The following MTHFD1L variants were observed in gnomAD, a reference collection of about 807,000 sequenced individuals.
MTHFD1L encodes the protein monofunctional C1-tetrahydrofolate synthase, mitochondrial.
In MTHFD1L, 81 loss-of-function variants were observed where a neutral mutation model predicts 119.5. That is an observed-to-expected ratio of 0.68 (90% CI 0.57 to 0.82). The LOEUF (loss-of-function observed/expected upper bound fraction) is 0.82, where lower values mean the gene tolerates loss of function less well. Among genes scored for constraint, MTHFD1L ranks in the 40% least tolerant of loss-of-function variants. The pLI is 0.00. For missense variants in MTHFD1L, 1,125 were observed against 1,253.4 expected (o/e 0.90, Z 1.55); for synonymous variants, 430 against 475.2 (o/e 0.90, Z 1.24).
intron 26 of MTHFD1L, among the ~76,000 whole-genome samples, chr6:151,040,691 G>C (rs1786956838): frequency 1.3e-5 from 2 of 152,170 alleles, no homozygotes; most frequent in African/African-American, 4.8e-5. Flanking sequence ...GGGAGATAGA[G>C]TGAGATCTCT....
intron 9 of MTHFD1L, 105 bp downstream of exon 9, chr6:150,918,773 T>G: frequency 1.2e-6 from 1 of 865,780 alleles, no homozygotes; most frequent in South Asian, 1.5e-5. Context: ...TGTTAAACAC[T>G]TCACACACAG....
chr6:150,926,648 T>C lies in MTHFD1L; in HGVS notation c.1256+353T>C, dbSNP rs565500626. Among the ~76,000 whole-genome samples the C allele has an allele frequency of 6.6e-6, 1 of 152,248 alleles. No individual in the cohort carries two copies. The highest frequency in any genetic ancestry group is 1.5e-5 in the Non-Finnish European group (1 of 68,046). On this transcript the variant is annotated intron_variant, in intron 11 of 27. Transcript: ENST00000367321. This position sits in a 1 kb window ranked among gnomAD's most constrained non-coding sequence, Gnocchi z 4.3. ...ATTTTGAACTGAGCAGTTTGTTTTGTGCGTTCTACTTGAAATATTTTCGTG... is the reference window on the plus strand; with the variant it reads ...ATTTTGAACTGAGCAGTTTGTTTTGCGCGTTCTACTTGAAATATTTTCGTG...
At chr6:150,953,393 G>T (rs1795128393) in intron 16 of MTHFD1L, among the ~76,000 whole-genome samples, 1 of 152,138 alleles carries the variant, frequency 6.6e-6, no homozygotes, top group South Asian at 2.1e-4. Context: ...CACACCCACT[G>T]GCATTGTCCT....
chr6:151,088,236 C>G (rs1240640853), intron 26 of MTHFD1L: 1 of 152,116 alleles, frequency 6.6e-6, no homozygotes, highest in Non-Finnish European at 1.5e-5. Context: ...ATCTGCAGGT[C>G]AGGGAGTCTC....
At chr6:150,888,002 A>C in intron 7 of MTHFD1L, 21 bp downstream of exon 7, 1 of 1,587,754 alleles carries the variant, frequency 6.3e-7, no homozygotes. Context: ...TGTTAGAAAC[A>C]TACATCTTGA....
intron 26 of MTHFD1L, among the ~76,000 whole-genome samples, chr6:151,061,099 C>A (rs1260017677): frequency 6.6e-6 from 1 of 152,088 alleles, no homozygotes; most frequent in African/African-American, 2.4e-5. Flanking sequence ...CTGGGGTTGT[C>A]ATTTGTTTAG....
At chr6:151,085,618 A>C (rs2128639525) in intron 26 of MTHFD1L, among the ~76,000 whole-genome samples, 1 of 152,272 alleles carries the variant, frequency 6.6e-6, no homozygotes, top group African/African-American at 2.4e-5. Flanking sequence ...TAAAAATTCA[A>C]AAATTACCTG....
chr6:151,093,527 G>A (rs1027445185), intron 27 of MTHFD1L, among the ~76,000 whole-genome samples: 9 of 151,960 alleles, frequency 5.9e-5, no homozygotes, highest in Admixed American at 3.9e-4. Flanking sequence ...CGTGTTGGTG[G>A]GCACCTGTAA....
intron 20 of MTHFD1L, among the ~76,000 whole-genome samples, chr6:151,008,220 C>T (rs996435300): frequency 2.6e-5 from 4 of 152,200 alleles, no homozygotes; most frequent in Non-Finnish European, 5.9e-5. Context: ...TAAGCTGCCA[C>T]TTATAATTGT....
At chr6:151,068,689 A>C (rs1236925244) in intron 26 of MTHFD1L, among the ~76,000 whole-genome samples, 1 of 152,244 alleles carries the variant, frequency 6.6e-6, no homozygotes, top group Non-Finnish European at 1.5e-5. Context: ...TGAATTGAAT[A>C]AATTTTTTAA....
intron 26 of MTHFD1L, among the ~76,000 whole-genome samples, chr6:151,065,058 A>G (rs1177601791): frequency 6.6e-6 from 1 of 151,362 alleles, no homozygotes; most frequent in Non-Finnish European, 1.5e-5. Context: ...CCCGCCTTGG[A>G]CTCCCAAAGT....
intron 26 of MTHFD1L, among the ~76,000 whole-genome samples, chr6:151,044,688 G>T (rs945202557): frequency 6.6e-6 from 1 of 152,120 alleles, no homozygotes; most frequent in Non-Finnish European, 1.5e-5. Flanking sequence ...GGCCCTAGAA[G>T]ACCAGCAGTT....
At chr6:151,097,828 G>T (rs750837650) in intron 27 of MTHFD1L, among the ~76,000 whole-genome samples, 15 of 152,094 alleles carry the variant, frequency 9.9e-5, no homozygotes, top group Non-Finnish European at 1.6e-4. Flanking sequence ...ACCCTGACTT[G>T]ATCACTACAC....
intron 27 of MTHFD1L, among the ~76,000 whole-genome samples, chr6:151,098,415 C>T (rs59103673): frequency 0.021 from 3,171 of 152,182 alleles, 104 homozygotes; most frequent in African/African-American, 0.071. Context: ...TGCTCATCAC[C>T]ATTGTGTTCC....
chr6:151,090,258 G>T (rs117412017), intron 26 of MTHFD1L, among the ~76,000 whole-genome samples: 2 of 152,106 alleles, frequency 1.3e-5, no homozygotes, highest in Non-Finnish European at 2.9e-5. Flanking sequence ...CCTCCCCTTC[G>T]CTCTCACCAT....
rs147988665 is a variant in MTHFD1L, at chr6:150,987,409, A to G, written c.2125+15351A>G. On this transcript the variant is annotated intron_variant, in intron 20 of 27. Coordinates refer to ENST00000367321, the MANE Select transcript of MTHFD1L (RefSeq NM_015440.5). ...TATGGTGCTGTTCCAGGCATGGATA[A>G]ATCTTTGCTAACAGTCGTAAGAGTT... is the stretch of plus-strand genomic sequence containing the variant. Among the ~76,000 whole-genome samples, 367 of 152,284 alleles carry G rather than the reference A, an allele frequency of 2.4e-3. 1 individual carries two copies. The highest frequency in any genetic ancestry group is 8.7e-3 in the African/African-American group (360 of 41,562).
At chr6:150,968,955 T>C (rs1476335975) in intron 19 of MTHFD1L, among the ~76,000 whole-genome samples, 2 of 151,622 alleles carry the variant, frequency 1.3e-5, no homozygotes, top group Non-Finnish European at 2.9e-5. Flanking sequence ...TTCAAGCGAT[T>C]CTCCTGCCTC....
chr6:151,009,716 A>G, intron 20 of MTHFD1L, 103 bp from the exon 21 acceptor site: 2 of 1,291,382 alleles, frequency 1.5e-6, no homozygotes, highest in South Asian at 2.5e-5. Flanking sequence ...GGTAAACAAA[A>G]GGAATGTAAG....
At chr6:150,981,368 C>T (rs575696229) in intron 20 of MTHFD1L, among the ~76,000 whole-genome samples, 30 of 152,312 alleles carry the variant, frequency 2.0e-4, no homozygotes, top group African/African-American at 6.5e-4. Context: ...CAGTGTCCAA[C>T]GGATGTCCTG....
Sources: gnomAD v4.1 joint callset for allele counts (sites outside exome capture counted in the v4.1 genomes callset) on GRCh38, gnomAD v4.1.1 for gene constraint, Gnocchi (gnomAD v3.1) non-coding constraint, MANE v1.5 for transcripts, NCBI Gene and HGNC (gene_info 2026-07-23, HGNC 2026-07-21) for gene names.